TMEM266: variants seen among roughly 807,000 people sequenced by gnomAD.
The protein encoded by TMEM266 is Hv1 related protein 1.
In TMEM266, 33 loss-of-function variants were observed where a neutral mutation model predicts 50.5. That is an observed-to-expected ratio of 0.65 (90% CI 0.50 to 0.87). TMEM266 has a LOEUF of 0.87. Ranked by LOEUF, TMEM266 falls within the 40% of genes least tolerant of loss-of-function variation. The pLI is 0.00. For missense variants in TMEM266, 655 were observed against 695.1 expected (o/e 0.94, Z 0.65); for synonymous variants, 310 against 292.3 (o/e 1.06, Z -0.62).
At position 76,204,426 on chromosome 15, in the gene TMEM266, C is replaced by A; in HGVS notation, c.*111C>A. On this transcript the variant is annotated 3_prime_UTR_variant, in exon 11 of 11. Coordinates refer to ENST00000388942, the MANE Select transcript of TMEM266 (RefSeq NM_152335.3). ...GGGGCCCAGGAGCCCACCTGGCCTC[C>A]CTCAGGGTGCTGCCTGCCTCCAGGG... 9.4e-7 allele frequency: 1 copy of A among 1,059,872 alleles called. No homozygotes were observed. Among genetic ancestry groups the A allele is most frequent in the Non-Finnish European group, 1.4e-6 (1 of 740,704 alleles). 65.7% of individuals were successfully genotyped at this position (1,059,872 alleles called of 1,614,324 possible).
At chr15:76,064,891 A>G (rs1353664724) in intron 1 of TMEM266, among the ~76,000 whole-genome samples, 1 of 152,186 alleles carries the variant, frequency 6.6e-6, no homozygotes, top group Non-Finnish European at 1.5e-5. Context: ...GAAGCAAGTT[A>G]TTTTATCTAC....
chr15:76,160,079 A>G lies in TMEM266; in HGVS notation c.383-16A>G, dbSNP rs1207336282. Reference sequence around the variant, plus strand: ...TTCCTCACTCCTAAAATTGGTCCTTATCGTGTCCATTGCAGTTTCCAGCGC... The same window carrying G: ...TTCCTCACTCCTAAAATTGGTCCTTGTCGTGTCCATTGCAGTTTCCAGCGC... On this transcript the variant is annotated splice_polypyrimidine_tract_variant and intron_variant, in intron 4 of 10. Coordinates refer to ENST00000388942, the MANE Select transcript of TMEM266 (RefSeq NM_152335.3). This position sits in a 1 kb window ranked among gnomAD's most constrained non-coding sequence, Gnocchi z 5.7. 2 of 1,613,416 alleles carry G rather than the reference A, an allele frequency of 1.2e-6. No individual in the cohort carries two copies. Among genetic ancestry groups the G allele is most frequent in the African/African-American group, 2.7e-5 (2 of 74,910 alleles).
rs572919142 is a variant in TMEM266, at chr15:76,089,722, G to A, written c.-97+29706G>A. Reference sequence around the variant, plus strand: ...TAATTGAATGAAGGATGTACCGACAGGAGAGGCAAGGGCACAGGCGAGGGC... The same window carrying A: ...TAATTGAATGAAGGATGTACCGACAAGAGAGGCAAGGGCACAGGCGAGGGC... On this transcript the variant is annotated intron_variant, in intron 1 of 10. Coordinates refer to ENST00000388942, the MANE Select transcript of TMEM266 (RefSeq NM_152335.3). Among the ~76,000 whole-genome samples the A allele has an allele frequency of 4.6e-5, 7 of 152,316 alleles. No homozygotes were observed. The South Asian group carries it at 1.5e-3, about 32-fold the overall frequency.
At chr15:76,144,773 G>A (rs1043177660) in intron 3 of TMEM266, among the ~76,000 whole-genome samples, 8 of 152,060 alleles carry the variant, frequency 5.3e-5, no homozygotes, top group Admixed American at 2.0e-4. Flanking sequence ...ACCTTCATGC[G>A]TGTCCACAGA....
intron 1 of TMEM266, among the ~76,000 whole-genome samples, chr15:76,117,113 G>A (rs1300843468): frequency 6.6e-6 from 1 of 151,956 alleles, no homozygotes; most frequent in African/African-American, 2.4e-5. Context: ...TGGTCAGGCT[G>A]GTCTCAAACT....
intron 3 of TMEM266, among the ~76,000 whole-genome samples, chr15:76,146,896 C>T (rs1459926366): frequency 6.6e-6 from 1 of 152,232 alleles, no homozygotes; most frequent in Non-Finnish European, 1.5e-5. Context: ...CTGCTCCTCT[C>T]TTTACAAGTC....
intron 5 of TMEM266, among the ~76,000 whole-genome samples, chr15:76,163,595 T>G (rs1163082995): frequency 6.6e-6 from 1 of 152,160 alleles, no homozygotes; most frequent in East Asian, 1.9e-4. Flanking sequence ...GCCCCGCCCT[T>G]GGCTGAGGCC....
At position 76,204,000 on chromosome 15, in the gene TMEM266, G is replaced by T. The variant is rs759324441; in HGVS notation, c.1281G>T (p.Pro427=). 7 of 1,608,142 alleles carry T rather than the reference G, an allele frequency of 4.4e-6. No homozygotes were observed. Among genetic ancestry groups the T allele is most frequent in the Middle Eastern group, 1.7e-4 (1 of 6,052 alleles). Residue 427 remains proline (P), a synonymous_variant, in exon 11 of 11, where the codon CCG becomes CCT. Coordinates refer to ENST00000388942, the MANE Select transcript of TMEM266 (RefSeq NM_152335.3). Reference sequence around the variant, plus strand: ...CCTCTGAGCCCGGCCCTTCTCCCCCGCCGCTGCCATCCCAGCAGCAGGTGG... The same window carrying T: ...CCTCTGAGCCCGGCCCTTCTCCCCCTCCGCTGCCATCCCAGCAGCAGGTGG...
intron 8 of TMEM266, chr15:76,178,443 G>A (rs963064663): frequency 5.9e-5 from 9 of 152,346 alleles, no homozygotes; most frequent in Admixed American, 1.3e-4. Flanking sequence ...CTTCACTGCA[G>A]TTGGCAACGT....
rs1364721120 is a variant in TMEM266 at position 76,169,826 on chromosome 15, G to A, written c.467G>A (p.Arg156Gln). 3.7e-6 allele frequency: 6 copies of A among 1,613,800 alleles called. No homozygotes were observed. The highest frequency in any genetic ancestry group is 1.3e-5 in the African/African-American group (1 of 74,890). The change falls in exon 6 of 11, where the codon CGG becomes CAG. Residue 156 changes from arginine to glutamine, a missense_variant. By Grantham distance (43) the Arg-to-Gln change is conservative. Transcript: ENST00000388942. ...ACTTCCTTTCCTCAGACTGTTCTAC[G>A]GATTGTGGTGCTTGGGATCTGGGAT...
At chr15:76,130,730 A>C (rs2959866) in intron 1 of TMEM266, among the ~76,000 whole-genome samples, 1 of 152,042 alleles carries the variant, frequency 6.6e-6, no homozygotes, top group Non-Finnish European at 1.5e-5. Context: ...CCCATGAGTT[A>C]ATAACGTTGA....
At chr15:76,175,941 CT>C (rs1223395237) in intron 8 of TMEM266, 2 of 319,472 alleles carry the variant, frequency 6.3e-6, no homozygotes, top group East Asian at 1.4e-4. Flanking sequence ...GCTCCCCAAC[CT>C]GAGTCTGCCA....
intron 1 of TMEM266, among the ~76,000 whole-genome samples, chr15:76,096,657 T>C (rs182412022): frequency 6.6e-6 from 1 of 152,184 alleles, no homozygotes; most frequent in Admixed American, 6.5e-5. Context: ...GTCCCGAATA[T>C]TCTGGTTAAT....
At chr15:76,169,949 C>T in intron 6 of TMEM266, 77 bp downstream of exon 6, 4 of 1,475,666 alleles carry the variant, frequency 2.7e-6, no homozygotes, top group South Asian at 1.1e-5. Context: ...CCATCCATTC[C>T]AGGGTGGACA....
intron 1 of TMEM266, among the ~76,000 whole-genome samples, chr15:76,090,491 CAAAAA>C (rs34778511): frequency 1.3e-5 from 1 of 74,362 alleles, no homozygotes; most frequent in Non-Finnish European, 2.7e-5. Flanking sequence ...GACTCTGTCT[CAAAAA>C]AAAAAAAAAA....
At chr15:76,147,240 G>A (rs571333080) in intron 3 of TMEM266, among the ~76,000 whole-genome samples, 19 of 152,292 alleles carry the variant, frequency 1.2e-4, no homozygotes, top group Non-Finnish European at 2.5e-4. Flanking sequence ...TCTCCACAAA[G>A]TCACCCTAGA....
At chr15:76,092,839 G>A (rs1299092071) in intron 1 of TMEM266, among the ~76,000 whole-genome samples, 3 of 118,282 alleles carry the variant, frequency 2.5e-5, no homozygotes, top group East Asian at 2.4e-4. Context: ...ACTGAGTCTC[G>A]CTCTATCACC....
At chr15:76,116,821 T>C (rs546258890) in intron 1 of TMEM266, among the ~76,000 whole-genome samples, 23 of 152,182 alleles carry the variant, frequency 1.5e-4, no homozygotes, top group Non-Finnish European at 3.1e-4. Flanking sequence ...TTAATGAAAA[T>C]AGCACATCCT....
At chr15:76,188,422 G>C (rs556068035) in intron 8 of TMEM266, among the ~76,000 whole-genome samples, 18 of 152,278 alleles carry the variant, frequency 1.2e-4, no homozygotes, top group African/African-American at 4.3e-4. Context: ...GGCCAACACG[G>C]TGAAACCCTG....
Sources: allele counts gnomAD v4.1 joint callset (sites outside exome capture counted in the v4.1 genomes callset), GRCh38; gene constraint gnomAD v4.1.1; non-coding constraint Gnocchi (gnomAD v3.1); transcripts MANE v1.5; gene names NCBI Gene and HGNC (gene_info 2026-07-23, HGNC 2026-07-21).